The following SRF variants were observed in gnomAD, a reference collection of about 807,000 sequenced individuals.
SRF encodes the protein serum response factor.
A neutral mutation model predicts 37.1 loss-of-function variants in SRF; 7 were observed. That is an observed-to-expected ratio of 0.19 (90% CI 0.11 to 0.35). The LOEUF (loss-of-function observed/expected upper bound fraction) is 0.35, where lower values mean the gene tolerates loss of function less well. Among genes scored for constraint, SRF ranks in the 10% least tolerant of loss-of-function variants. SRF has a pLI of 1.00. For synonymous variants in SRF, 285 were observed against 310.1 expected, an observed-to-expected ratio of 0.92 and a Z score of 0.85; for missense variants, 395 against 694.4, an observed-to-expected ratio of 0.57 and a Z score of 4.85.
rs1772327361 is a variant in SRF at position 43,181,160 on chromosome 6, A to G, written c.*1970A>G. 6.6e-6 allele frequency: 1 copy of G among 152,660 alleles called. No individual in the cohort carries two copies. Among genetic ancestry groups the G allele is most frequent in the Non-Finnish European group, 1.5e-5 (1 of 68,044 alleles). The allele number at this position is 152,660 out of a possible 1,614,324, so 9.5% of individuals were successfully genotyped here. On this transcript the variant is annotated 3_prime_UTR_variant, in exon 7 of 7. Transcript: ENST00000265354. ...TTGATGAATTCTTCCTCTCCTTCCC[A>G]CAAAAGACAGACCCAGTGAGTGAAT...
rs1772145041 is a variant in SRF, at chr6:43,173,535, C to T, written c.514-312C>T. Among the ~76,000 whole-genome samples, 1 of 152,150 alleles carries T rather than the reference C, an allele frequency of 6.6e-6. No individual in the cohort carries two copies. Among genetic ancestry groups the T allele is most frequent in the South Asian group, 2.1e-4 (1 of 4,822 alleles). On this transcript the variant is annotated intron_variant, in intron 1 of 6. Transcript: ENST00000265354. This position sits in a 1 kb window ranked among gnomAD's most constrained non-coding sequence, Gnocchi z 4.2. The stretch of plus-strand genomic sequence containing the variant: ...GGGTGAGGCTCTGGGACATTCCAGG[C>T]ACTAAGCTGTGTTGGGGAGCAGCTA...
In SRF at chr6:43,172,279, G is replaced by A; in HGVS notation, c.513+110G>A. 1 of 1,475,502 alleles carries A rather than the reference G, an allele frequency of 6.8e-7. No homozygotes were observed. 91.4% of individuals were successfully genotyped at this position (1,475,502 alleles called of 1,614,324 possible). A position where few individuals can be genotyped will look rare whatever the true frequency, so the allele number is the denominator to read the frequency against. ...GGCGGAGGTGAGAGGCTGCGAGTCC[G>A]CAGGAGGTGTGTGGGAGGGGATGGC... On this transcript the variant is annotated intron_variant, in intron 1 of 6. Transcript: ENST00000265354. This position sits in a 1 kb window ranked among gnomAD's most constrained non-coding sequence, Gnocchi z 5.7.
rs1772248766 is a variant in SRF at position 43,178,568 on chromosome 6, C to T, written c.1354+83C>T. ...ACACACACACATACACACACATATG[C>T]ACTGATGCCTACAAATATTTCTACC... On this transcript the variant is annotated intron_variant, in intron 5 of 6. Coordinates refer to ENST00000265354, the MANE Select transcript of SRF (RefSeq NM_003131.4). The surrounding 1 kb of genome is among the most constrained non-coding windows in gnomAD (Gnocchi z 4.3). 1 of 1,467,182 alleles carries T rather than the reference C, an allele frequency of 6.8e-7. No homozygotes were observed. 90.9% of individuals were successfully genotyped at this position (1,467,182 alleles called of 1,614,324 possible).
chr6:43,172,357 G>C lies in SRF; in HGVS notation c.513+188G>C. 12 of 985,292 alleles carry C rather than the reference G, an allele frequency of 1.2e-5. No individual in the cohort carries two copies. The highest frequency in any genetic ancestry group is 1.4e-5 in the Non-Finnish European group (12 of 829,860). The allele number at this position is 985,292 out of a possible 1,614,324, so 61.0% of individuals were successfully genotyped here. A position where few individuals can be genotyped will look rare whatever the true frequency, so the allele number is the denominator to read the frequency against. On this transcript the variant is annotated intron_variant, in intron 1 of 6. Coordinates refer to ENST00000265354, the MANE Select transcript of SRF (RefSeq NM_003131.4). The surrounding 1 kb of genome is among the most constrained non-coding windows in gnomAD (Gnocchi z 5.7). ...GGGCCGCCGGGGAAATGTGGGGAGA[G>C]GGGAGATCCCGCGAACGCTCGCAAC... is the stretch of plus-strand genomic sequence containing the variant.
chr6:43,178,544 C>A lies in SRF; in HGVS notation c.1354+59C>A. 6.5e-7 allele frequency: 1 copy of A among 1,535,820 alleles called. No homozygotes were observed. The highest frequency in any genetic ancestry group is 8.9e-7 in the Non-Finnish European group (1 of 1,120,164). ...CCGTTTCCTTCTTTATACACACACA[C>A]ACACACACATACACACACATATGCA... On this transcript the variant is annotated intron_variant, in intron 5 of 6. Transcript: ENST00000265354. This position sits in a 1 kb window ranked among gnomAD's most constrained non-coding sequence, Gnocchi z 4.3.
intron 2 of SRF, 75 bp downstream of exon 2, chr6:43,174,188 A>G (rs1028463899): frequency 3.2e-6 from 5 of 1,545,282 alleles, no homozygotes; most frequent in Non-Finnish European, 4.4e-6. Context: ...GGACAGGTGG[A>G]TAGGTGCCCA....
chr6:43,172,271 G>A lies in SRF; in HGVS notation c.513+102G>A. 1 of 1,491,146 alleles carries A rather than the reference G, an allele frequency of 6.7e-7. No homozygotes were observed. The highest frequency in any genetic ancestry group is 8.9e-7 in the Non-Finnish European group (1 of 1,123,468). The allele number at this position is 1,491,146 out of a possible 1,614,324, so 92.4% of individuals were successfully genotyped here. A position where few individuals can be genotyped will look rare whatever the true frequency, so the allele number is the denominator to read the frequency against. On this transcript the variant is annotated intron_variant, in intron 1 of 6. Transcript: ENST00000265354. The surrounding 1 kb of genome is among the most constrained non-coding windows in gnomAD (Gnocchi z 5.7). The stretch of plus-strand genomic sequence containing the variant: ...AGAGCCGAGGCGGAGGTGAGAGGCT[G>A]CGAGTCCGCAGGAGGTGTGTGGGAG...
chr6:43,176,075 G>C lies in SRF; in HGVS notation c.1042+108G>C. On this transcript the variant is annotated intron_variant, in intron 3 of 6. Transcript: ENST00000265354. This position sits in a 1 kb window ranked among gnomAD's most constrained non-coding sequence, Gnocchi z 4.0. ...GAGAACCTCTTTCCCTGCTCAGAAG[G>C]AAGGTGAATAGGGGCCAGAGCCTGA... is the stretch of plus-strand genomic sequence containing the variant. The C allele has an allele frequency of 6.8e-7, 1 of 1,461,270 alleles. No homozygotes were observed. The highest frequency in any genetic ancestry group is 9.2e-7 in the Non-Finnish European group (1 of 1,091,700). The allele number at this position is 1,461,270 out of a possible 1,614,324, so 90.5% of individuals were successfully genotyped here. A position where few individuals can be genotyped will look rare whatever the true frequency, so the allele number is the denominator to read the frequency against.
chr6:43,176,418 G>C lies in SRF; in HGVS notation c.1043-130G>C. The stretch of plus-strand genomic sequence containing the variant: ...TACTTGGGCCTGAAGGGCCTCTTTG[G>C]CTTCCAGGAAAGATAGTGATGGGAG... On this transcript the variant is annotated intron_variant, in intron 3 of 6. Coordinates refer to ENST00000265354, the MANE Select transcript of SRF (RefSeq NM_003131.4). This position sits in a 1 kb window ranked among gnomAD's most constrained non-coding sequence, Gnocchi z 4.0. 6.9e-7 allele frequency: 1 copy of C among 1,446,446 alleles called. No homozygotes were observed. Among genetic ancestry groups the C allele is most frequent in the Non-Finnish European group, 9.4e-7 (1 of 1,059,286 alleles). The allele number at this position is 1,446,446 out of a possible 1,614,324, so 89.6% of individuals were successfully genotyped here.
intron 2 of SRF, 137 bp from the exon 3 acceptor site, chr6:43,175,569 C>G: frequency 9.0e-7 from 1 of 1,109,582 alleles, no homozygotes. Context: ...ACCTAAGAGT[C>G]AGGCATCAGG....
In SRF at chr6:43,179,603, C is replaced by T; in HGVS notation, c.*413C>T. ...GCCCTCTTGCCAGCCTCCTTGCTGA[C>T]CCCAGGTCAGCCCTGTGTCTGTCAC... On this transcript the variant is annotated 3_prime_UTR_variant, in exon 7 of 7. Coordinates refer to ENST00000265354, the MANE Select transcript of SRF (RefSeq NM_003131.4). The surrounding 1 kb of genome is among the most constrained non-coding windows in gnomAD (Gnocchi z 5.3). 1 of 251,200 alleles carries T rather than the reference C, an allele frequency of 4.0e-6. No homozygotes were observed. Among genetic ancestry groups the T allele is most frequent in the South Asian group, 4.6e-5 (1 of 21,768 alleles). The allele number at this position is 251,200 out of a possible 1,614,324, so 15.6% of individuals were successfully genotyped here.
Position 43,178,481 on chromosome 6 carries a change from G to A in SRF, c.1350G>A (p.Glu450=). The A allele has an allele frequency of 6.2e-7, 1 of 1,613,008 alleles. No homozygotes were observed. Among genetic ancestry groups the A allele is most frequent in the Non-Finnish European group, 8.5e-7 (1 of 1,179,166 alleles). ...TMQVSHSQVQ[E]PGGVPQVFLT... is the part of the protein sequence containing the mutation. ...AGGTGTCACACAGCCAGGTCCAGGA[G>A]CCAGGTGAGTAGAGGAGCAGGGCTA... The change falls in exon 5 of 7, where the codon GAG becomes GAA. Residue 450 remains glutamate (E), a synonymous_variant. Coordinates refer to ENST00000265354, the MANE Select transcript of SRF (RefSeq NM_003131.4). The surrounding 1 kb of genome is among the most constrained non-coding windows in gnomAD (Gnocchi z 4.3).
Position 43,178,740 on chromosome 6 carries a change from C to A in SRF, c.1355-66C>A. 3 of 1,539,698 alleles carry A rather than the reference C, an allele frequency of 1.9e-6. No individual in the cohort carries two copies. The highest frequency in any genetic ancestry group is 2.7e-6 in the Non-Finnish European group (3 of 1,113,406). On this transcript the variant is annotated intron_variant, in intron 5 of 6. Coordinates refer to ENST00000265354, the MANE Select transcript of SRF (RefSeq NM_003131.4). The surrounding 1 kb of genome is among the most constrained non-coding windows in gnomAD (Gnocchi z 4.3). Reference sequence around the variant, plus strand: ...GCCCCAGTCACTTGTGCATTTGACACCACTCCTCCAATATCTGGAAGTTTC... The same window carrying A: ...GCCCCAGTCACTTGTGCATTTGACAACACTCCTCCAATATCTGGAAGTTTC...
In SRF at chr6:43,178,373, G is replaced by A. The variant is rs746430949; in HGVS notation, c.1242G>A (p.Ala414=). The change falls in exon 5 of 7, where the codon GCG becomes GCA. Residue 414 remains alanine, a synonymous_variant. Transcript: ENST00000265354. The surrounding 1 kb of genome is among the most constrained non-coding windows in gnomAD (Gnocchi z 4.3). ...ACATGATGTACCCTAGCCCGCATGC[G>A]GTGATGTATGCCCCCACCTCGGGCC... The part of the protein sequence containing the change: ...GGHMMYPSPH[A]VMYAPTSGLG... 3.8e-5 allele frequency: 62 copies of A among 1,613,854 alleles called. No homozygotes were observed. The East Asian group carries it at 5.6e-4, about 14-fold the overall frequency.
Position 43,172,502 on chromosome 6 carries a change from A to G in SRF, c.513+333A>G, listed in dbSNP as rs1380666456. 2.0e-6 allele frequency: 2 copies of G among 978,700 alleles called. No individual in the cohort carries two copies. The highest frequency in any genetic ancestry group is 2.4e-6 in the Non-Finnish European group (2 of 823,954). The allele number at this position is 978,700 out of a possible 1,614,324, so 60.6% of individuals were successfully genotyped here. A position where few individuals can be genotyped will look rare whatever the true frequency, so the allele number is the denominator to read the frequency against. On this transcript the variant is annotated intron_variant, in intron 1 of 6. Transcript: ENST00000265354. This position sits in a 1 kb window ranked among gnomAD's most constrained non-coding sequence, Gnocchi z 5.7. ...GAGGCTGCCGGGGAGGTGGATAATG[A>G]GAACCCGGGATCAGTAGGTCCAGTG...
chr6:43,177,228 G>GTTTTTTTTTTGTTTTTTTTTT (rs1772215070), intron 4 of SRF, among the ~76,000 whole-genome samples: 2 of 116,848 alleles, frequency 1.7e-5, no homozygotes, highest in African/African-American at 7.6e-5. Context: ...ATCGGAGTCT[G>GTTTTTTTTTTGTTTTTTTTTT]TTTTTTTTTT....
chr6:43,174,590 G>A (rs1285058715), intron 2 of SRF, among the ~76,000 whole-genome samples: 5 of 152,248 alleles, frequency 3.3e-5, no homozygotes, highest in Non-Finnish European at 7.3e-5. Context: ...GGCAGTTAGG[G>A]AGCGCATTTG....
rs1184049027 is a variant in SRF, at chr6:43,176,629, G to A, written c.1124G>A (p.Ser375Asn). Residue 375 changes from serine (S) to asparagine (N), a missense_variant, in exon 4 of 7, where the codon AGC becomes AAC. Physicochemically the swap from Ser to Asn is conservative, Grantham distance 46. Coordinates refer to ENST00000265354, the MANE Select transcript of SRF (RefSeq NM_003131.4). The surrounding 1 kb of genome is among the most constrained non-coding windows in gnomAD (Gnocchi z 4.0). ...CAGCAAGCGTCTCCCTCCCGTGACA[G>A]CAGCACAGACCTCACGCAGACCTCC... ...APQQASPSRD[S>N]STDLTQTSSS... 1 of 1,614,164 alleles carries A rather than the reference G, an allele frequency of 6.2e-7. No individual in the cohort carries two copies. The highest frequency in any genetic ancestry group is 8.5e-7 in the Non-Finnish European group (1 of 1,180,024).
In SRF at chr6:43,173,677, T is replaced by C. The variant is rs1299333392; in HGVS notation, c.514-170T>C. On this transcript the variant is annotated intron_variant, in intron 1 of 6. Transcript: ENST00000265354. The surrounding 1 kb of genome is among the most constrained non-coding windows in gnomAD (Gnocchi z 4.2). Reference sequence around the variant, plus strand: ...CCTCAAAGGAGGAGCATGGGTAGTTTTGCTGCTTCCAGAGATCCTGATAGG... The same window carrying C: ...CCTCAAAGGAGGAGCATGGGTAGTTCTGCTGCTTCCAGAGATCCTGATAGG... 6.6e-6 allele frequency among the ~76,000 whole-genome samples: 1 copy of C among 152,122 alleles called. No individual in the cohort carries two copies. Among genetic ancestry groups the C allele is most frequent in the Non-Finnish European group, 1.5e-5 (1 of 67,998 alleles).
Sources: gnomAD v4.1 joint callset for allele counts (sites outside exome capture counted in the v4.1 genomes callset) on GRCh38, gnomAD v4.1.1 for gene constraint, Gnocchi (gnomAD v3.1) non-coding constraint, MANE v1.5 for transcripts, NCBI Gene and HGNC (gene_info 2026-07-23, HGNC 2026-07-21) for gene names.